The following DPYD variants were observed in gnomAD, a reference collection of about 807,000 sequenced individuals.
The protein encoded by DPYD is dihydropyrimidine dehydrogenase.
In DPYD, 109 loss-of-function variants were observed where a neutral mutation model predicts 116.2. The ratio of observed to expected loss-of-function variants is 0.94; its 90% confidence interval spans 0.80 to 1.10. DPYD has a LOEUF of 1.10. Among genes scored for constraint, DPYD ranks in the 50% least tolerant of loss-of-function variants. The pLI is 0.00. For synonymous variants in DPYD, 440 were observed against 432.0 expected (o/e 1.02, Z -0.23); for missense variants, 1,302 against 1,254.5 (o/e 1.04, Z -0.57).
At chr1:97,361,850 C>T (rs985959812) in intron 16 of DPYD, among the ~76,000 whole-genome samples, 1 of 152,192 alleles carries the variant, frequency 6.6e-6, no homozygotes, top group African/African-American at 2.4e-5. Context: ...CAATATCATA[C>T]TGAATGGGCA....
chr1:97,835,775 C>T (rs1268815547), intron 2 of DPYD, among the ~76,000 whole-genome samples: 1 of 152,022 alleles, frequency 6.6e-6, no homozygotes, highest in Admixed American at 6.6e-5. Context: ...CATGTACTGC[C>T]AACCACAAAC....
chr1:97,601,383 G>C (rs1282095934), intron 8 of DPYD, among the ~76,000 whole-genome samples: 1 of 151,966 alleles, frequency 6.6e-6, no homozygotes, highest in African/African-American at 2.4e-5. Flanking sequence ...AAATAAAGAA[G>C]ATATTGCAAA....
intron 11 of DPYD, among the ~76,000 whole-genome samples, chr1:97,572,401 G>T (rs747607651): frequency 1.7e-4 from 26 of 151,866 alleles, no homozygotes; most frequent in Admixed American, 5.3e-4. Flanking sequence ...ATCTGTTCAG[G>T]TTTGTTTAGG....
chr1:97,917,611 G>C (rs1357298158), intron 1 of DPYD, among the ~76,000 whole-genome samples: 1 of 151,908 alleles, frequency 6.6e-6, no homozygotes, highest in African/African-American at 2.4e-5. Context: ...TTTTCATTTA[G>C]GGTAAATGTG....
chr1:97,826,429 T>C (rs889644948), intron 3 of DPYD, among the ~76,000 whole-genome samples: 1 of 152,076 alleles, frequency 6.6e-6, no homozygotes, highest in Non-Finnish European at 1.5e-5. Flanking sequence ...TTTCTGTCTT[T>C]TGGTCTTCAG....
At chr1:97,426,890 C>A (rs1674897648) in intron 14 of DPYD, among the ~76,000 whole-genome samples, 1 of 151,974 alleles carries the variant, frequency 6.6e-6, no homozygotes, top group African/African-American at 2.4e-5. Flanking sequence ...TAACCTTAAG[C>A]AATGATGCAT....
intron 11 of DPYD, among the ~76,000 whole-genome samples, chr1:97,556,164 C>T (rs374071691): frequency 3.9e-5 from 6 of 152,134 alleles, no homozygotes; most frequent in African/African-American, 1.4e-4. Context: ...CCTAAGGTGC[C>T]TCCCCCTTGT....
intron 13 of DPYD, among the ~76,000 whole-genome samples, chr1:97,477,657 AG>A (rs1257415005): frequency 6.1e-5 from 8 of 131,736 alleles, no homozygotes; most frequent in Non-Finnish European, 1.2e-4. Flanking sequence ...TCTGTCGCCC[AG>A]GCCGGACTGC....
intron 8 of DPYD, among the ~76,000 whole-genome samples, chr1:97,612,841 C>T (rs1656032392): frequency 6.6e-6 from 1 of 152,012 alleles, no homozygotes; most frequent in Non-Finnish European, 1.5e-5. Context: ...TTACCTGAGG[C>T]TTCCTTTCTA....
intron 16 of DPYD, among the ~76,000 whole-genome samples, chr1:97,337,781 G>T (rs1669378535): frequency 6.6e-6 from 1 of 152,014 alleles, no homozygotes; most frequent in Non-Finnish European, 1.5e-5. Context: ...AGAATGGCAT[G>T]GGATTGCTTA....
intron 18 of DPYD, among the ~76,000 whole-genome samples, chr1:97,279,018 C>A (rs1324227790): frequency 2.0e-5 from 3 of 151,878 alleles, no homozygotes; most frequent in Admixed American, 1.3e-4. Flanking sequence ...AAAAATTCAA[C>A]TTTGATTCTA....
intron 20 of DPYD, among the ~76,000 whole-genome samples, chr1:97,160,103 A>C (rs1009755399): frequency 3.9e-5 from 6 of 152,124 alleles, no homozygotes; most frequent in African/African-American, 1.4e-4. Context: ...CAATAGTTTT[A>C]TATTTACAGT....
At chr1:97,536,518 G>A (rs1650010437) in intron 12 of DPYD, among the ~76,000 whole-genome samples, 1 of 152,202 alleles carries the variant, frequency 6.6e-6, no homozygotes, top group Non-Finnish European at 1.5e-5. Context: ...TGATAAGATT[G>A]TTTTTATCTG....
intron 5 of DPYD, among the ~76,000 whole-genome samples, chr1:97,702,691 A>G (rs763282406): frequency 8.6e-5 from 13 of 151,968 alleles, no homozygotes; most frequent in Non-Finnish European, 1.5e-4. Context: ...ATAAGCAAGA[A>G]ATAGGTTAGT....
chr1:97,918,975 A>G (rs535552926), intron 1 of DPYD, among the ~76,000 whole-genome samples: 1 of 152,330 alleles, frequency 6.6e-6, no homozygotes, highest in East Asian at 1.9e-4. Context: ...GAGCCTTTAT[A>G]ATTCATTCTA....
chr1:97,668,358 T>C (rs1659675748), intron 8 of DPYD, among the ~76,000 whole-genome samples: 1 of 152,092 alleles, frequency 6.6e-6, no homozygotes, highest in Non-Finnish European at 1.5e-5. Context: ...TAGACACCAT[T>C]TACATAAATG....
chr1:97,435,771 T>G (rs1675438964), intron 14 of DPYD, among the ~76,000 whole-genome samples: 1 of 151,836 alleles, frequency 6.6e-6, no homozygotes, highest in South Asian at 2.1e-4. Context: ...ATTAGTTCTT[T>G]GTGAAAAATA....
chr1:97,811,392 G>A (rs1212913364), intron 3 of DPYD, among the ~76,000 whole-genome samples: 1 of 151,974 alleles, frequency 6.6e-6, no homozygotes. Context: ...ACTAAACCAG[G>A]TGTAAGAGTA....
intron 11 of DPYD, among the ~76,000 whole-genome samples, chr1:97,571,787 G>A (rs1171727920): frequency 6.6e-6 from 1 of 152,034 alleles, no homozygotes; most frequent in Non-Finnish European, 1.5e-5. Context: ...GCACATGACA[G>A]TTTTCTGACT....
Sources: gnomAD v4.1 joint callset for allele counts (sites outside exome capture counted in the v4.1 genomes callset) on GRCh38, gnomAD v4.1.1 for gene constraint, MANE v1.5 for transcripts, NCBI Gene and HGNC (gene_info 2026-07-23, HGNC 2026-07-21) for gene names.